TLL2: variants seen among roughly 807,000 people sequenced by gnomAD.
TLL2 encodes tolloid-like protein 2.
Under a neutral mutation model 123.0 loss-of-function variants are expected in TLL2, and 106 were observed. That is an observed-to-expected ratio of 0.86 (90% CI 0.74 to 1.01). The LOEUF is 1.01. Ranked by LOEUF, TLL2 falls within the 50% of genes least tolerant of loss-of-function variation. TLL2 has a pLI of 0.00. For missense variants in TLL2, 1,332 were observed against 1,336.7 expected (o/e 1.00, Z 0.06); for synonymous variants, 494 against 516.8 (o/e 0.96, Z 0.60).
Position 96,391,493 on chromosome 10 carries a change from C to T in TLL2, c.1726+3694G>A, listed in dbSNP as rs138468499. Reference sequence around the variant, plus strand: ...CACTAAGGAAAAATTCCACCCCCTTCACGTTCCTTCCCTGTGGCTTTCAGG... The same window carrying T: ...CACTAAGGAAAAATTCCACCCCCTTTACGTTCCTTCCCTGTGGCTTTCAGG... On this transcript the variant is annotated intron_variant, in intron 13 of 20. Transcript: ENST00000357947. 4.2e-4 allele frequency among the ~76,000 whole-genome samples: 64 copies of T among 152,342 alleles called. 1 individual carries two copies. Among genetic ancestry groups the T allele is most frequent in the African/African-American group, 1.5e-3 (63 of 41,586 alleles).
At chr10:96,477,638 T>G (rs1458907814) in intron 2 of TLL2, among the ~76,000 whole-genome samples, 1 of 152,260 alleles carries the variant, frequency 6.6e-6, no homozygotes, top group Admixed American at 6.5e-5. Context: ...CTAAGCACTT[T>G]GCACATATTC....
intron 2 of TLL2, among the ~76,000 whole-genome samples, chr10:96,456,979 G>A (rs1254740310): frequency 6.6e-6 from 1 of 152,186 alleles, no homozygotes; most frequent in Non-Finnish European, 1.5e-5. Context: ...GAAACAACAC[G>A]TCCAATTTGG....
rs989322269 is a variant in TLL2 at position 96,428,548 on chromosome 10, A to C, written c.638+83T>G. On this transcript the variant is annotated intron_variant, in intron 5 of 20. Coordinates refer to ENST00000357947, the MANE Select transcript of TLL2 (RefSeq NM_012465.4). ...TCCTCTAAATAACAGCTCATTGGAA[A>C]TACTTAGGTTTACAGAGAAAATTCA... 10 of 878,274 alleles carry C rather than the reference A, an allele frequency of 1.1e-5. No homozygotes were observed. The African/African-American group carries it at 1.2e-4, about 10-fold the overall frequency. 54.4% of individuals were successfully genotyped at this position (878,274 alleles called of 1,614,324 possible).
intron 5 of TLL2, among the ~76,000 whole-genome samples, chr10:96,427,018 C>T (rs1846684691): frequency 6.6e-6 from 1 of 152,148 alleles, no homozygotes; most frequent in African/African-American, 2.4e-5. Flanking sequence ...TTTGTCCAGA[C>T]ATAGCTTTAG....
chr10:96,476,240 A>ATATATATATTCT, intron 2 of TLL2, among the ~76,000 whole-genome samples: 1 of 20,502 alleles, frequency 4.9e-5, no homozygotes, highest in African/African-American at 1.7e-4. Context: ...ATATATATAT[A>ATATATATATTCT]TTTTATTTTT....
At chr10:96,395,555 C>CA (rs1846332304) in intron 12 of TLL2, among the ~76,000 whole-genome samples, 173 bp from the exon 13 acceptor site, 1 of 152,190 alleles carries the variant, frequency 6.6e-6, no homozygotes, top group Non-Finnish European at 1.5e-5. Flanking sequence ...TTGCAGAAGT[C>CA]AAGGGTGAAT....
intron 7 of TLL2, among the ~76,000 whole-genome samples, chr10:96,418,343 C>A (rs912996245): frequency 6.6e-6 from 1 of 152,190 alleles, no homozygotes; most frequent in Non-Finnish European, 1.5e-5. Context: ...ACGGAGCAGG[C>A]GGTGAGAAGG....
intron 2 of TLL2, among the ~76,000 whole-genome samples, chr10:96,477,274 C>T (rs1302332650): frequency 1.3e-5 from 2 of 151,912 alleles, no homozygotes; most frequent in Admixed American, 1.3e-4. Context: ...ATTTCAAAGG[C>T]CTCATTCCTA....
chr10:96,505,994 C>T (rs1370786319), intron 1 of TLL2, among the ~76,000 whole-genome samples: 2 of 152,012 alleles, frequency 1.3e-5, no homozygotes, highest in Non-Finnish European at 2.9e-5. Flanking sequence ...TGGCTTGTGC[C>T]TGTAATCCTA....
At position 96,383,698 on chromosome 10, in the gene TLL2, G is replaced by A. The variant is rs149714676; in HGVS notation, c.2194+889C>T. Among the ~76,000 whole-genome samples, 339 of 152,188 alleles carry A rather than the reference G, an allele frequency of 2.2e-3. 1 individual carries two copies. Among genetic ancestry groups the A allele is most frequent in the African/African-American group, 7.6e-3 (317 of 41,512 alleles). ...TGCCATGGCACCATCTTGGCTCACT[G>A]CAACCTCCACCTCCTGTGTTCAAGC... On this transcript the variant is annotated intron_variant, in intron 16 of 20. Transcript: ENST00000357947.
rs1272715647 is a variant in TLL2, at chr10:96,476,234, A to T, written c.286+4115T>A. On this transcript the variant is annotated intron_variant, in intron 2 of 20. Coordinates refer to ENST00000357947, the MANE Select transcript of TLL2 (RefSeq NM_012465.4). Reference sequence around the variant, plus strand: ...TTTAATTTTATATGTATATATATATATATATATTTTATTTTTGTTGTTGTT... The same window carrying T: ...TTTAATTTTATATGTATATATATATTTATATATTTTATTTTTGTTGTTGTT... Among the ~76,000 whole-genome samples the T allele has an allele frequency of 6.5e-4, 14 of 21,528 alleles. 2 individuals carry two copies. In the East Asian group the frequency reaches 0.053, roughly 82 times the overall value. The allele number at this position is 21,528 out of a possible 152,430, so 14.1% of individuals were successfully genotyped here.
At chr10:96,399,101 G>A (rs1846367192) in intron 10 of TLL2, among the ~76,000 whole-genome samples, 1 of 152,016 alleles carries the variant, frequency 6.6e-6, no homozygotes, top group Non-Finnish European at 1.5e-5. Context: ...TCAATCTCCT[G>A]ACCTCATGAT....
At chr10:96,489,598 A>T (rs1378571184) in intron 1 of TLL2, among the ~76,000 whole-genome samples, 1 of 152,194 alleles carries the variant, frequency 6.6e-6, no homozygotes. Flanking sequence ...CGCTAACCAC[A>T]TGTGGTTATT....
intron 1 of TLL2, among the ~76,000 whole-genome samples, chr10:96,480,874 T>TTA (rs1018273914): frequency 6.6e-6 from 1 of 152,178 alleles, no homozygotes; most frequent in African/African-American, 2.4e-5. Context: ...TGGGGAAAGA[T>TTA]TATAGCTCAC....
At chr10:96,510,767 G>T (rs910402736) in intron 1 of TLL2, among the ~76,000 whole-genome samples, 11 of 152,188 alleles carry the variant, frequency 7.2e-5, no homozygotes, top group African/African-American at 1.2e-4. Flanking sequence ...CTTCTAAGAG[G>T]TTGGGCTAGA....
At chr10:96,468,875 T>C (rs899283420) in intron 2 of TLL2, among the ~76,000 whole-genome samples, 2 of 152,352 alleles carry the variant, frequency 1.3e-5, no homozygotes, top group East Asian at 1.9e-4. Flanking sequence ...AAGTTCTCAG[T>C]GAACTCTGGC....
intron 13 of TLL2, among the ~76,000 whole-genome samples, chr10:96,388,137 C>G (rs1846255003): frequency 6.6e-6 from 1 of 152,188 alleles, no homozygotes; most frequent in Non-Finnish European, 1.5e-5. Context: ...GGCACGGTGG[C>G]TCACGCCTGT....
chr10:96,415,735 C>T (rs534991570), intron 7 of TLL2, among the ~76,000 whole-genome samples: 110 of 69,888 alleles, frequency 1.6e-3, no homozygotes, highest in African/African-American at 5.6e-3. Flanking sequence ...CTCTGTCTCT[C>T]TCTGTCTCTC....
chr10:96,498,964 A>G (rs1197492604), intron 1 of TLL2, among the ~76,000 whole-genome samples: 1 of 152,190 alleles, frequency 6.6e-6, no homozygotes, highest in South Asian at 2.1e-4. Flanking sequence ...GTTTAAGCCA[A>G]TGTCTGAGAT....
Sources: gnomAD v4.1 joint callset for allele counts (sites outside exome capture counted in the v4.1 genomes callset) on GRCh38, gnomAD v4.1.1 for gene constraint, MANE v1.5 for transcripts, NCBI Gene and HGNC (gene_info 2026-07-23, HGNC 2026-07-21) for gene names.